Variants in EXOSC10 observed in about 807,000 individuals in gnomAD.
The protein encoded by EXOSC10 is exosome component 10, also known as exosome complex component 10.
Under a neutral mutation model 126.6 loss-of-function variants are expected in EXOSC10, and 94 were observed. The ratio of observed to expected loss-of-function variants is 0.74; its 90% CI spans 0.63 to 0.88. EXOSC10 has a LOEUF of 0.88. Among genes scored for constraint, EXOSC10 ranks in the 40% least tolerant of loss-of-function variants. The probability of loss-of-function intolerance (pLI) is 0.00; values close to 1 mark genes in which losing one functional copy is unlikely to be tolerated. For synonymous variants in EXOSC10, 395 were observed against 400.8 expected (o/e 0.99, Z 0.17); for missense variants, 1,041 against 1,100.5 (o/e 0.95, Z 0.77).
At position 11,076,833 on chromosome 1, in the gene EXOSC10, G is replaced by A; in HGVS notation, c.1986+9C>T. ...CTCATCACCTCAGTGAAGTTTCTGT[G>A]CTACTCACATTAAATAACGTGATGA... On this transcript the variant is annotated intron_variant, in intron 17 of 24. Transcript: ENST00000376936. The A allele has an allele frequency of 6.3e-7, 1 of 1,598,992 alleles. No homozygotes were observed. Among genetic ancestry groups the A allele is most frequent in the Non-Finnish European group, 8.6e-7 (1 of 1,168,424 alleles).
At chr1:11,090,528 A>G (rs373873703) in intron 6 of EXOSC10, 26 bp downstream of exon 6, 2 of 1,582,422 alleles carry the variant, frequency 1.3e-6, no homozygotes, top group Non-Finnish European at 1.7e-6. Context: ...CTCACGGCAG[A>G]AAGTCAGACA....
intron 19 of EXOSC10, chr1:11,072,427 G>A (rs1004031656): frequency 7.8e-6 from 3 of 384,246 alleles, no homozygotes; most frequent in East Asian, 5.5e-5. Flanking sequence ...TGTAACCCTG[G>A]GAAAAAGGTA....
chr1:11,089,081 A>G (rs1302167356), intron 6 of EXOSC10, among the ~76,000 whole-genome samples: 1 of 152,018 alleles, frequency 6.6e-6, no homozygotes, highest in Non-Finnish European at 1.5e-5. Context: ...AAATTAAAAA[A>G]CAAGCCAGGT....
At chr1:11,075,580 G>A (rs932426667) in intron 17 of EXOSC10, among the ~76,000 whole-genome samples, 23 of 152,168 alleles carry the variant, frequency 1.5e-4, no homozygotes, top group Middle Eastern at 3.4e-3. Context: ...CAGCTAAAGC[G>A]CCTAGTATTT....
rs775854617 is a variant in EXOSC10 at position 11,077,616 on chromosome 1, C to T, written c.1785G>A (p.Pro595=). 8 of 1,613,174 alleles carry T rather than the reference C, an allele frequency of 5.0e-6. No homozygotes were observed. The highest frequency in any genetic ancestry group is 1.7e-4 in the Middle Eastern group (1 of 6,008). Residue 595 remains proline (P), a synonymous_variant, in exon 15 of 25, where the codon CCG becomes CCA. Coordinates refer to ENST00000376936, the MANE Select transcript of EXOSC10 (RefSeq NM_001001998.3). ...GACACTCTACCTCAGCACTGGGCAG[C>T]GGTCCGCTCTTCTTCACTCCGGCTG... is the stretch of plus-strand genomic sequence containing the variant. ...EVAAGVKKSG[P]LPSAERLENV...
At chr1:11,074,092 C>T in intron 18 of EXOSC10, 84 bp from the exon 19 acceptor site, 1 of 1,443,596 alleles carries the variant, frequency 6.9e-7, no homozygotes, top group Non-Finnish European at 9.8e-7. Flanking sequence ...TGGGGGGTTG[C>T]TGGTGCCTTG....
At chr1:11,069,065 G>A (rs915523879) in intron 22 of EXOSC10, 2 of 306,980 alleles carry the variant, frequency 6.5e-6, no homozygotes, top group East Asian at 1.4e-4. Flanking sequence ...CCATTGTGTG[G>A]ACTGGCCTCT....
chr1:11,082,531 T>C, intron 10 of EXOSC10, 157 bp downstream of exon 10: 1 of 1,462,766 alleles, frequency 6.8e-7, no homozygotes, highest in South Asian at 1.4e-5. Flanking sequence ...AAAAATTTCC[T>C]ACCACTTTTA....
intron 2 of EXOSC10, 107 bp from the exon 3 acceptor site, chr1:11,095,988 CTTTTT>C: frequency 4.5e-6 from 4 of 894,364 alleles, no homozygotes; most frequent in Non-Finnish European, 6.3e-6. Context: ...CCCAACACAT[CTTTTT>C]TTTTTTTTTT....
At chr1:11,080,256 G>A (rs990640519) in intron 13 of EXOSC10, among the ~76,000 whole-genome samples, 3 of 152,206 alleles carry the variant, frequency 2.0e-5, no homozygotes, top group Non-Finnish European at 2.9e-5. Flanking sequence ...ATAAGGCTCA[G>A]AGACTTAAAA....
chr1:11,080,397 T>G (rs1640075516), intron 13 of EXOSC10, 102 bp downstream of exon 13: 2 of 1,407,596 alleles, frequency 1.4e-6, no homozygotes, highest in Admixed American at 3.7e-5. Context: ...CATTAATCTC[T>G]GAGTAAGCAG....
chr1:11,085,576 T>C (rs1640448158), intron 9 of EXOSC10, among the ~76,000 whole-genome samples: 1 of 152,190 alleles, frequency 6.6e-6, no homozygotes, highest in African/African-American at 2.4e-5. Context: ...ACAGGGACAA[T>C]TTGACTTCCT....
intron 20 of EXOSC10, 58 bp downstream of exon 20, chr1:11,072,029 C>T (rs760352103): frequency 8.2e-5 from 114 of 1,392,356 alleles, no homozygotes; most frequent in Non-Finnish European, 1.1e-4. Context: ...GCTGAAACAG[C>T]GGGTGTGCAA....
intron 9 of EXOSC10, among the ~76,000 whole-genome samples, chr1:11,086,542 A>G (rs1355958641): frequency 6.6e-6 from 1 of 152,102 alleles, no homozygotes; most frequent in Non-Finnish European, 1.5e-5. Context: ...CGGTCTATCA[A>G]TTCCAAAATT....
At chr1:11,071,782 C>T (rs922478485) in intron 20 of EXOSC10, 1 of 261,576 alleles carries the variant, frequency 3.8e-6, no homozygotes, top group Non-Finnish European at 7.3e-6. Flanking sequence ...CCTCTGGGCT[C>T]GCTGTGCTGT....
chr1:11,085,762 A>G (rs1174851723), intron 9 of EXOSC10, among the ~76,000 whole-genome samples: 4 of 151,122 alleles, frequency 2.6e-5, no homozygotes, highest in Non-Finnish European at 5.9e-5. Context: ...TGGGTTTGTC[A>G]TAGATAGCTC....
chr1:11,078,316 G>A (rs1639939859), intron 14 of EXOSC10, among the ~76,000 whole-genome samples: 1 of 150,222 alleles, frequency 6.7e-6, no homozygotes, highest in African/African-American at 2.5e-5. Context: ...GGAGTGCAGT[G>A]GCGGGATCTC....
Position 11,098,232 on chromosome 1 carries a change from C to T in EXOSC10, c.112-76G>A, listed in dbSNP as rs572754866. On this transcript the variant is annotated intron_variant, in intron 1 of 24. Coordinates refer to ENST00000376936, the MANE Select transcript of EXOSC10 (RefSeq NM_001001998.3). ...TTGGTATGTCATTTTTTTGATCTAT[C>T]GTATACAAGGTATCTACTCTTCATC... is the stretch of plus-strand genomic sequence containing the variant. 3.6e-4 allele frequency: 542 copies of T among 1,496,366 alleles called. 8 individuals are homozygous for T. In the South Asian group the frequency reaches 5.8e-3, roughly 16 times the overall value. The allele number at this position is 1,496,366 out of a possible 1,614,324, so 92.7% of individuals were successfully genotyped here. A position where few individuals can be genotyped will look rare whatever the true frequency, so the allele number is the denominator to read the frequency against.
At chr1:11,080,687 A>T in intron 12 of EXOSC10, 77 bp downstream of exon 12, 1 of 1,600,896 alleles carries the variant, frequency 6.2e-7, no homozygotes, top group Non-Finnish European at 8.5e-7. Context: ...ATAGCAAAAG[A>T]AAAAAGCCCA....
Sources: gnomAD v4.1 joint callset for allele counts (sites outside exome capture counted in the v4.1 genomes callset) on GRCh38, gnomAD v4.1.1 for gene constraint, MANE v1.5 for transcripts, NCBI Gene and HGNC (gene_info 2026-07-23, HGNC 2026-07-21) for gene names.